CLNK: variants seen among roughly 807,000 people sequenced by gnomAD.
CLNK encodes the protein cytokine dependent hematopoietic cell linker.
In CLNK, 74 loss-of-function variants were observed where a neutral mutation model predicts 68.6. That is an observed-to-expected ratio of 1.08 (90% CI 0.89 to 1.31). CLNK has a LOEUF of 1.31. CLNK is among the 50% of genes most tolerant of loss of function. CLNK has a pLI of 0.00. For missense variants in CLNK, 553 were observed against 515.3 expected, an observed-to-expected ratio of 1.07 and a Z score of -0.71; for synonymous variants, 198 against 172.2, an observed-to-expected ratio of 1.15 and a Z score of -1.17.
intron 2 of CLNK, 80 bp from the exon 3 acceptor site, chr4:10,598,129 G>C (rs1290808074): frequency 1.8e-5 from 16 of 904,792 alleles, no homozygotes; most frequent in Non-Finnish European, 2.4e-5. Flanking sequence ...TTCATTCATA[G>C]AAAGAGCCAC....
At chr4:10,500,209 G>A (rs1273085850) in intron 18 of CLNK, among the ~76,000 whole-genome samples, 1 of 152,140 alleles carries the variant, frequency 6.6e-6, no homozygotes, top group Admixed American at 6.6e-5. Flanking sequence ...AACTAACTTC[G>A]TTCCTTCCTT....
At chr4:10,609,296 G>A (rs1243513960) in intron 2 of CLNK, among the ~76,000 whole-genome samples, 1 of 152,202 alleles carries the variant, frequency 6.6e-6, no homozygotes, top group South Asian at 2.1e-4. Context: ...AGCTCTAACA[G>A]CTGCCTGTTG....
At chr4:10,553,547 G>C (rs927547267) in intron 8 of CLNK, among the ~76,000 whole-genome samples, 1 of 151,950 alleles carries the variant, frequency 6.6e-6, no homozygotes, top group Non-Finnish European at 1.5e-5. Flanking sequence ...CGCCTCCCAG[G>C]CTCAAGCAAT....
At chr4:10,627,024 A>G (rs1209862859) in intron 2 of CLNK, among the ~76,000 whole-genome samples, 1 of 152,158 alleles carries the variant, frequency 6.6e-6, no homozygotes, top group Non-Finnish European at 1.5e-5. Context: ...CACCCAAGCA[A>G]TTTGCTACAT....
At chr4:10,612,022 A>G (rs561562903) in intron 2 of CLNK, among the ~76,000 whole-genome samples, 1 of 152,322 alleles carries the variant, frequency 6.6e-6, no homozygotes, top group South Asian at 2.1e-4. Context: ...TAAACGCTGC[A>G]TGTCACAGCC....
chr4:10,691,278 G>A, the CLNK span, among the ~76,000 whole-genome samples: 1 of 152,060 alleles, frequency 6.6e-6, no homozygotes, highest in Admixed American at 6.6e-5. Context: ...CTCCTTGAGG[G>A]TGGCCACAGT....
At chr4:10,536,829 C>T in intron 11 of CLNK, among the ~76,000 whole-genome samples, 1 of 151,898 alleles carries the variant, frequency 6.6e-6, no homozygotes, top group Non-Finnish European at 1.5e-5. Flanking sequence ...ATATCAAATG[C>T]CAACTTCTAA....
At chr4:10,699,492 C>CTATATATATATATATATATA in the CLNK span, among the ~76,000 whole-genome samples, 1 of 59,540 alleles carries the variant, frequency 1.7e-5, no homozygotes, top group African/African-American at 7.5e-5. Flanking sequence ...CTCTCTCTCT[C>CTATATATATATATATATATA]TCTATATATA....
upstream of CLNK, among the ~76,000 whole-genome samples, chr4:10,688,240 G>A (rs947783379): frequency 6.6e-6 from 1 of 152,098 alleles, no homozygotes; most frequent in Admixed American, 6.6e-5. Context: ...GCGGATGTGC[G>A]GTGTGTGTAG....
intron 5 of CLNK, among the ~76,000 whole-genome samples, chr4:10,567,617 A>G (rs1048179692): frequency 1.2e-4 from 18 of 152,342 alleles, no homozygotes; most frequent in Middle Eastern, 3.4e-3. Flanking sequence ...GCTTCAAAAG[A>G]CCACAAAAAA....
At chr4:10,681,856 C>T (rs1051251093) in intron 1 of CLNK, among the ~76,000 whole-genome samples, 7 of 152,150 alleles carry the variant, frequency 4.6e-5, no homozygotes, top group Non-Finnish European at 1.0e-4. Flanking sequence ...ATGGACAATG[C>T]ATGGAGCCTG....
At chr4:10,631,730 A>G (rs937288139) in intron 2 of CLNK, among the ~76,000 whole-genome samples, 1 of 152,254 alleles carries the variant, frequency 6.6e-6, no homozygotes, top group Non-Finnish European at 1.5e-5. Flanking sequence ...AAGGGAAAAT[A>G]TTTCAACTGT....
the CLNK span, among the ~76,000 whole-genome samples, chr4:10,714,197 A>C: frequency 6.6e-6 from 1 of 152,206 alleles, no homozygotes; most frequent in Non-Finnish European, 1.5e-5. Flanking sequence ...TGAGACTCAA[A>C]ATCAGGTTTG....
chr4:10,689,565 C>T (rs1329176356), upstream of CLNK, among the ~76,000 whole-genome samples: 4 of 152,044 alleles, frequency 2.6e-5, no homozygotes, highest in Non-Finnish European at 4.4e-5. Flanking sequence ...GTTCAGGCTC[C>T]TGTCAGGCAG....
At chr4:10,514,336 T>C (rs1301812936) in intron 15 of CLNK, among the ~76,000 whole-genome samples, 1 of 152,086 alleles carries the variant, frequency 6.6e-6, no homozygotes, top group East Asian at 1.9e-4. Context: ...CCTGTGTCTT[T>C]ATAGCAGCAT....
intron 2 of CLNK, among the ~76,000 whole-genome samples, chr4:10,636,297 G>A (rs780547447): frequency 2.6e-5 from 4 of 152,114 alleles, no homozygotes; most frequent in Non-Finnish European, 5.9e-5. Flanking sequence ...GACACAGAGA[G>A]AACCACACAC....
At chr4:10,629,939 T>C (rs148770056) in intron 2 of CLNK, among the ~76,000 whole-genome samples, 7 of 152,284 alleles carry the variant, frequency 4.6e-5, no homozygotes, top group African/African-American at 1.7e-4. Context: ...AAATTTCTTC[T>C]CTCTCCTCAG....
At chr4:10,562,566 C>T (rs1029230002) in intron 7 of CLNK, among the ~76,000 whole-genome samples, 8 of 152,036 alleles carry the variant, frequency 5.3e-5, no homozygotes, top group Non-Finnish European at 8.8e-5. Flanking sequence ...CCACCACACC[C>T]GGCTAATTTT....
At chr4:10,554,031 G>T (rs1719567306) in intron 8 of CLNK, among the ~76,000 whole-genome samples, 1 of 152,176 alleles carries the variant, frequency 6.6e-6, no homozygotes, top group Non-Finnish European at 1.5e-5. Flanking sequence ...CTGGATCGTG[G>T]AGATTCTGCT....
Sources: gnomAD v4.1 joint callset for allele counts (sites outside exome capture counted in the v4.1 genomes callset) on GRCh38, gnomAD v4.1.1 for gene constraint, MANE v1.5 for transcripts, NCBI Gene and HGNC (gene_info 2026-07-23, HGNC 2026-07-21) for gene names.